Variants in ALDH16A1 observed in about 807,000 individuals in gnomAD.
The protein encoded by ALDH16A1 is aldehyde dehydrogenase 16 family member A1, also known as aldehyde dehydrogenase family 16 member A1.
Under a neutral mutation model 96.1 loss-of-function variants are expected in ALDH16A1, and 88 were observed. The ratio of observed to expected loss-of-function variants is 0.92; its 90% CI spans 0.77 to 1.09. The LOEUF (loss-of-function observed/expected upper bound fraction) is 1.09. Ranked by LOEUF, ALDH16A1 falls within the 50% of genes least tolerant of loss-of-function variation. ALDH16A1 has a pLI of 0.00. For missense variants in ALDH16A1, 1,250 were observed against 1,112.6 expected (o/e 1.12, Z -1.76); for synonymous variants, 522 against 496.4 (o/e 1.05, Z -0.69).
At chr19:49,464,320 C>G in intron 10 of ALDH16A1, 57 bp downstream of exon 10, 1 of 1,589,770 alleles carries the variant, frequency 6.3e-7, no homozygotes, top group Non-Finnish European at 8.6e-7. Flanking sequence ...TCTTCATCTC[C>G]CTTCTCCCTG....
In ALDH16A1 at chr19:49,462,120, CATTTTATTTT is replaced by C. The variant is rs561468033; in HGVS notation, c.912+99_912+108del. On this transcript the variant is annotated intron_variant, in intron 7 of 16. Coordinates refer to ENST00000293350, the MANE Select transcript of ALDH16A1 (RefSeq NM_153329.4). ...GTCTTCGGGGTCCCGAGTCTCTGTT[CATTTTATTTT>C]ATTTTATTTTATTTATTTTGAGACG... The C allele has an allele frequency of 4.9e-6, 7 of 1,415,530 alleles. No individual in the cohort carries two copies. In the East Asian group the frequency reaches 1.7e-4, roughly 33 times the overall value. 87.7% of individuals were successfully genotyped at this position (1,415,530 alleles called of 1,614,324 possible). A position where few individuals can be genotyped will look rare whatever the true frequency, so the allele number is the denominator to read the frequency against.
intron 7 of ALDH16A1, 67 bp downstream of exon 7, chr19:49,462,103 G>A: frequency 2.1e-6 from 3 of 1,452,708 alleles, no homozygotes; most frequent in East Asian, 5.4e-5. Context: ...CAGTCTTCGG[G>A]GTCCCGAGTC....
At position 49,453,276 on chromosome 19, in the gene ALDH16A1, G is replaced by A. The variant is rs1271529829; in HGVS notation, c.-56G>A. 2.7e-6 allele frequency: 4 copies of A among 1,459,344 alleles called. No homozygotes were observed. The Admixed American group carries it at 6.4e-5, about 23-fold the overall frequency. 90.4% of individuals were successfully genotyped at this position (1,459,344 alleles called of 1,614,324 possible). ...GAGGTGTCGCTCTTCGGACCTCAAG[G>A]TTCCCCTTAACACAGAGCGCCCCGC... On this transcript the variant is annotated 5_prime_UTR_variant, in exon 1 of 17. Transcript: ENST00000293350.
rs2079148033 is a variant in ALDH16A1 at position 49,461,670 on chromosome 19, T to TG, written c.631dup (p.Ala211GlyfsTer108). On this transcript the variant is annotated frameshift_variant, in exon 6 of 17. Coordinates refer to ENST00000293350, the MANE Select transcript of ALDH16A1 (RefSeq NM_153329.4). LOFTEE classifies it high-confidence loss of function. ...CCGGCCTCCCCGGCGCCCCTCCTCC[T>TG]GGCCCAGCTGGCGGGGGAGCTGGGC... 3 of 1,607,412 alleles carry TG rather than the reference T, an allele frequency of 1.9e-6. No homozygotes were observed. In the South Asian group the frequency reaches 3.3e-5, roughly 18 times the overall value.
At chr19:49,458,355 G>T in intron 1 of ALDH16A1, 131 bp from the exon 2 acceptor site, 1 of 680,388 alleles carries the variant, frequency 1.5e-6, no homozygotes. Flanking sequence ...TTTTTTTAAA[G>T]CAATAGGAGG....
chr19:49,459,835 C>A lies in ALDH16A1; in HGVS notation c.486C>A (p.Gly162=). Residue 162 remains glycine, a synonymous_variant, in exon 4 of 17, where the codon GGC becomes GGA. Coordinates refer to ENST00000293350, the MANE Select transcript of ALDH16A1 (RefSeq NM_153329.4). The surrounding 1 kb of genome is among the most constrained non-coding windows in gnomAD (Gnocchi z 4.1). ...QASTQEEALA[G]WEPMGVIGLI... is the part of the protein sequence containing the mutation. ...CCACCCAGGAGGAGGCACTGGCAGG[C>A]TGGGAGCCCATGGGTGAGACCCTGG... 1 of 1,613,324 alleles carries A rather than the reference C, an allele frequency of 6.2e-7. No individual in the cohort carries two copies. The highest frequency in any genetic ancestry group is 8.5e-7 in the Non-Finnish European group (1 of 1,179,830).
chr19:49,466,290 G>A lies in ALDH16A1; in HGVS notation c.1938+7G>A, dbSNP rs971974410. ...CCAAGGCCACACCCTGCAGGTGAAGGGTCTGTGGGCACCTGGGCCAGCTGG... is the reference window on the plus strand; with the variant it reads ...CCAAGGCCACACCCTGCAGGTGAAGAGTCTGTGGGCACCTGGGCCAGCTGG... On this transcript the variant is annotated splice_region_variant and intron_variant, in intron 14 of 16. Transcript: ENST00000293350. 7 of 1,437,822 alleles carry A rather than the reference G, an allele frequency of 4.9e-6. No individual in the cohort carries two copies. Among genetic ancestry groups the A allele is most frequent in the Non-Finnish European group, 2.7e-6 (3 of 1,096,502 alleles). The allele number at this position is 1,437,822 out of a possible 1,614,324, so 89.1% of individuals were successfully genotyped here.
rs1239191450 is a variant in ALDH16A1 at position 49,459,240 on chromosome 19, C to T, written c.320+154C>T. 3.3e-5 allele frequency among the ~76,000 whole-genome samples: 5 copies of T among 152,344 alleles called. No individual in the cohort carries two copies. In the East Asian group the frequency reaches 9.6e-4, roughly 29 times the overall value. On this transcript the variant is annotated intron_variant, in intron 3 of 16. Transcript: ENST00000293350. The surrounding 1 kb of genome is among the most constrained non-coding windows in gnomAD (Gnocchi z 4.1). Reference sequence around the variant, plus strand: ...GTGCTGGAGGCAGTCGTGGCTGAAACATGCATCCGTTGTCCACTATTCACT... The same window carrying T: ...GTGCTGGAGGCAGTCGTGGCTGAAATATGCATCCGTTGTCCACTATTCACT...
In ALDH16A1 at chr19:49,470,340, AC is replaced by A; in HGVS notation, c.2284del (p.Leu762SerfsTer44). 1 of 1,613,062 alleles carries A rather than the reference AC, an allele frequency of 6.2e-7. No homozygotes were observed. Among genetic ancestry groups the A allele is most frequent in the South Asian group, 1.1e-5 (1 of 91,062 alleles). On this transcript the variant is annotated frameshift_variant, in exon 17 of 17. Transcript: ENST00000293350. LOFTEE classifies it high-confidence loss of function. ...TTTGTCGAGTGGGCCTCGGCAGGAA[AC>A]CTCAAACCGGTGTGGGCGAGCAGGG... is the stretch of plus-strand genomic sequence containing the variant. ...SQFVEWASAG[N>X]LKPVWASRGC...
At position 49,461,632 on chromosome 19, in the gene ALDH16A1, G is replaced by C. The variant is rs1337618039; in HGVS notation, c.591G>C (p.Val197=). ...CCACTTCCCCAGGCTGCACCGTGGT[G>C]GCCCTCGTGCCCCCGGCCTCCCCGG... ...CPALAVGCTV[V]ALVPPASPAP... Residue 197 remains valine (V), a synonymous_variant, in exon 6 of 17, where the codon GTG becomes GTC. Transcript: ENST00000293350. 6.3e-7 allele frequency: 1 copy of C among 1,593,294 alleles called. No individual in the cohort carries two copies. Among genetic ancestry groups the C allele is most frequent in the South Asian group, 1.1e-5 (1 of 88,634 alleles).
In ALDH16A1 at chr19:49,459,657, G is replaced by A. The variant is rs775304644; in HGVS notation, c.321-13G>A. The A allele has an allele frequency of 6.3e-7, 1 of 1,598,594 alleles. No homozygotes were observed. The highest frequency in any genetic ancestry group is 8.5e-7 in the Non-Finnish European group (1 of 1,172,508). ...GCCGTTGGAAAATGAGCACCCTCTT[G>A]CTTTCTCGACAGGCTGGCCGAGGTG... On this transcript the variant is annotated splice_polypyrimidine_tract_variant and intron_variant, in intron 3 of 16. Transcript: ENST00000293350. This position sits in a 1 kb window ranked among gnomAD's most constrained non-coding sequence, Gnocchi z 4.1.
At chr19:49,463,793 C>T in intron 8 of ALDH16A1, 61 bp from the exon 9 acceptor site, 2 of 1,505,876 alleles carry the variant, frequency 1.3e-6, no homozygotes, top group Middle Eastern at 1.8e-4. Flanking sequence ...TGGGGTCCTG[C>T]AGTCCTCGGT....
chr19:49,461,696 C>T lies in ALDH16A1; in HGVS notation c.655C>T (p.Pro219Ser). Residue 219 changes from proline (P) to serine (S), a missense_variant, in exon 6 of 17, where the codon CCC becomes TCC. Pro to Ser is a moderately conservative substitution (Grantham distance 74). Coordinates refer to ENST00000293350, the MANE Select transcript of ALDH16A1 (RefSeq NM_153329.4). ...LLAQLAGELGPFPGILNVLSG... is the reference protein window; with the variant it reads ...LLAQLAGELGSFPGILNVLSG... ...GGCCCAGCTGGCGGGGGAGCTGGGC[C>T]CCTTCCCGGGAATCCTGAATGTCCT... The T allele has an allele frequency of 6.2e-7, 1 of 1,608,800 alleles. No individual in the cohort carries two copies. Among genetic ancestry groups the T allele is most frequent in the South Asian group, 1.1e-5 (1 of 90,378 alleles).
At chr19:49,466,035 A>G (rs989251261) in intron 13 of ALDH16A1, 47 bp from the exon 14 acceptor site, 2 of 1,537,202 alleles carry the variant, frequency 1.3e-6, no homozygotes, top group Non-Finnish European at 1.7e-6. Context: ...GTGTCAGGAG[A>G]GCCAAGACCA....
intron 1 of ALDH16A1, 83 bp downstream of exon 1, chr19:49,453,504 C>A: frequency 7.8e-7 from 1 of 1,283,874 alleles, no homozygotes; most frequent in South Asian, 1.4e-5. Context: ...CCGTCATCCA[C>A]TGCGGTAGCT....
intron 1 of ALDH16A1, 129 bp downstream of exon 1, chr19:49,453,550 G>A: frequency 3.4e-6 from 3 of 895,092 alleles, no homozygotes; most frequent in Non-Finnish European, 5.0e-6. Flanking sequence ...CGTGATTCCC[G>A]CCGCCCAATA....
In ALDH16A1 at chr19:49,461,952, G is replaced by A; in HGVS notation, c.828G>A (p.Glu276=). 6.4e-7 allele frequency: 1 copy of A among 1,569,362 alleles called. No homozygotes were observed. The highest frequency in any genetic ancestry group is 1.4e-5 in the African/African-American group (1 of 74,048). Residue 276 remains glutamate (E), a synonymous_variant, in exon 7 of 17, where the codon GAG becomes GAA. Coordinates refer to ENST00000293350, the MANE Select transcript of ALDH16A1 (RefSeq NM_153329.4). ...CAELGLALGT[E]SLLLLTDTAD... Reference sequence around the variant, plus strand: ...AGCTGGGCCTGGCGCTGGGGACGGAGTCGCTGCTGCTGCTGACGGACACGG... The same window carrying A: ...AGCTGGGCCTGGCGCTGGGGACGGAATCGCTGCTGCTGCTGACGGACACGG...
intron 1 of ALDH16A1, among the ~76,000 whole-genome samples, chr19:49,454,701 G>A (rs1206290751): frequency 6.6e-6 from 1 of 152,228 alleles, no homozygotes; most frequent in Non-Finnish European, 1.5e-5. Context: ...GATCCAAGTG[G>A]AAGGAACTGG....
chr19:49,461,009 G>T, intron 5 of ALDH16A1, 110 bp downstream of exon 5: 1 of 1,222,136 alleles, frequency 8.2e-7, no homozygotes, highest in Non-Finnish European at 1.2e-6. Flanking sequence ...TGGACTCTGT[G>T]GAAGGAGTCT....
Sources: allele counts gnomAD v4.1 joint callset (sites outside exome capture counted in the v4.1 genomes callset), GRCh38; gene constraint gnomAD v4.1.1; non-coding constraint Gnocchi (gnomAD v3.1); transcripts MANE v1.5; gene names NCBI Gene and HGNC (gene_info 2026-07-23, HGNC 2026-07-21).